CDC20B: variants seen among roughly 807,000 people sequenced by gnomAD.
CDC20B encodes the protein cell division cycle 20B.
In CDC20B, 58 loss-of-function variants were observed where a neutral mutation model predicts 64.1. That is an observed-to-expected ratio of 0.90 (90% confidence interval 0.73 to 1.13). The LOEUF is 1.13. CDC20B is among the 50% of genes most tolerant of loss of function. The pLI, the probability that CDC20B is intolerant of heterozygous loss-of-function variation, is 0.00. For missense variants in CDC20B, 597 were observed against 633.0 expected, an observed-to-expected ratio of 0.94 and a Z score of 0.61; for synonymous variants, 243 against 230.6, an observed-to-expected ratio of 1.05 and a Z score of -0.49.
intron 6 of CDC20B, among the ~76,000 whole-genome samples, chr5:55,132,830 A>C (rs1223547468): frequency 2.0e-5 from 3 of 152,196 alleles, no homozygotes; most frequent in Non-Finnish European, 4.4e-5. Context: ...TGCCTTCTTC[A>C]TGCTGTTAAC....
chr5:55,123,925 C>G (rs985590937), intron 9 of CDC20B, among the ~76,000 whole-genome samples: 1 of 152,104 alleles, frequency 6.6e-6, no homozygotes, highest in African/African-American at 2.4e-5. Flanking sequence ...ATATTTCAAC[C>G]TATATTAGGA....
intron 9 of CDC20B, among the ~76,000 whole-genome samples, chr5:55,121,353 G>T (rs6883587): frequency 0.22 from 33,075 of 151,952 alleles, 3,696 homozygotes; most frequent in South Asian, 0.3. Context: ...CGTTTTAATA[G>T]ACTTTTCACA....
intron 2 of CDC20B, among the ~76,000 whole-genome samples, chr5:55,151,077 T>C (rs1206810191): frequency 6.6e-6 from 1 of 152,088 alleles, no homozygotes; most frequent in Admixed American, 6.5e-5. Flanking sequence ...CTTTTTTATT[T>C]CTCTCCGCTA....
chr5:55,161,110 C>T (rs185745382), intron 2 of CDC20B: 134 of 1,614,160 alleles, frequency 8.3e-5, no homozygotes, highest in Non-Finnish European at 1.6e-5. Context: ...TGGCTTTTCC[C>T]TGCAATCAGT....
At chr5:55,115,943 G>A (rs904793351) in intron 11 of CDC20B, among the ~76,000 whole-genome samples, 2 of 152,140 alleles carry the variant, frequency 1.3e-5, no homozygotes, top group Non-Finnish European at 2.9e-5. Flanking sequence ...CCTCCAAGGG[G>A]ACATGGGATT....
intron 6 of CDC20B, among the ~76,000 whole-genome samples, chr5:55,129,512 G>C (rs1580342737): frequency 6.6e-6 from 1 of 152,192 alleles, no homozygotes; most frequent in South Asian, 2.1e-4. Context: ...ATGGAAAAGA[G>C]CCTGAGGCAT....
chr5:55,127,526 G>A (rs1742924671), intron 7 of CDC20B, among the ~76,000 whole-genome samples, 175 bp from the exon 8 acceptor site: 1 of 152,190 alleles, frequency 6.6e-6, no homozygotes, highest in Admixed American at 6.5e-5. Context: ...CAGCTGGGGA[G>A]TCTATAACAC....
chr5:55,134,645 C>T (rs1743115360), intron 5 of CDC20B, among the ~76,000 whole-genome samples: 2 of 152,110 alleles, frequency 1.3e-5, no homozygotes, highest in Admixed American at 1.3e-4. Context: ...GCCTGTAGTC[C>T]CAGCTACTTG....
chr5:55,165,428 G>T (rs950175933), intron 2 of CDC20B: 1 of 152,308 alleles, frequency 6.6e-6, no homozygotes, highest in Non-Finnish European at 1.5e-5. Context: ...GTATAAATTT[G>T]TCTAAGAAGA....
intron 6 of CDC20B, among the ~76,000 whole-genome samples, chr5:55,131,096 G>A (rs948451912): frequency 6.6e-6 from 1 of 152,142 alleles, no homozygotes; most frequent in Non-Finnish European, 1.5e-5. Context: ...CTGAACCACT[G>A]CACTCCAGCC....
intron 5 of CDC20B, chr5:55,137,211 A>C (rs1006890502): frequency 1.2e-5 from 2 of 162,100 alleles, no homozygotes; most frequent in Admixed American, 6.0e-5. Context: ...AAGCACTGAG[A>C]GCTCCAAATG....
chr5:55,115,475 T>G (rs1742600996), intron 11 of CDC20B, among the ~76,000 whole-genome samples: 1 of 152,226 alleles, frequency 6.6e-6, no homozygotes, highest in South Asian at 2.1e-4. Flanking sequence ...CAAGGGCTAG[T>G]GCTCCTTGGA....
At chr5:55,122,326 G>A (rs1561285936) in intron 9 of CDC20B, among the ~76,000 whole-genome samples, 1 of 150,376 alleles carries the variant, frequency 6.6e-6, no homozygotes, top group Non-Finnish European at 1.5e-5. Flanking sequence ...ATGGAGTGCA[G>A]TGCTACCACA....
At position 55,149,292 on chromosome 5, in the gene CDC20B, AT is replaced by A. The variant is rs762031715; in HGVS notation, c.127-2437del. Among the ~76,000 whole-genome samples, 10 of 152,354 alleles carry A rather than the reference AT, an allele frequency of 6.6e-5. No homozygotes were observed. The East Asian group carries it at 7.7e-4, about 12-fold the overall frequency. On this transcript the variant is annotated intron_variant, in intron 2 of 11. Transcript: ENST00000381375. ...GTACAGAATGTGAAAGGATGCAGTC[AT>A]TGTGGAAGATTAGTTTGGTGATACC...
intron 7 of CDC20B, 113 bp from the exon 8 acceptor site, chr5:55,127,464 A>AT (rs1742923107): frequency 1.3e-6 from 1 of 791,908 alleles, no homozygotes; most frequent in South Asian, 1.6e-5. Flanking sequence ...GTACTAAGTG[A>AT]AAACCCAGCA....
intron 6 of CDC20B, among the ~76,000 whole-genome samples, chr5:55,131,570 T>G (rs767563005): frequency 6.6e-6 from 1 of 152,178 alleles, no homozygotes; most frequent in African/African-American, 2.4e-5. Flanking sequence ...ATATAGTTGT[T>G]AGGGTTCGGT....
intron 2 of CDC20B, among the ~76,000 whole-genome samples, chr5:55,169,561 G>T (rs1188595363): frequency 6.6e-6 from 1 of 152,172 alleles, no homozygotes; most frequent in Non-Finnish European, 1.5e-5. Flanking sequence ...CACTTCACAA[G>T]TTGTTAGATC....
At position 55,149,902 on chromosome 5, in the gene CDC20B, G is replaced by A. The variant is rs532857530; in HGVS notation, c.127-3046C>T. Among the ~76,000 whole-genome samples the A allele has an allele frequency of 5.9e-5, 9 of 152,276 alleles. No homozygotes were observed. The East Asian group carries it at 1.7e-3, about 29-fold the overall frequency. ...TAATCCCAACACTTTGGGAGACTGAGGTGAGTTAATCACCTGAGGTCAGGA... is the reference window on the plus strand; with the variant it reads ...TAATCCCAACACTTTGGGAGACTGAAGTGAGTTAATCACCTGAGGTCAGGA... On this transcript the variant is annotated intron_variant, in intron 2 of 11. Coordinates refer to ENST00000381375, the MANE Select transcript of CDC20B (RefSeq NM_001170402.1).
At position 55,124,813 on chromosome 5, in the gene CDC20B, G is replaced by A. The variant is rs138334108; in HGVS notation, c.1205C>T (p.Thr402Met). Residue 402 changes from threonine (T) to methionine (M), a missense_variant, in exon 9 of 12, where the codon ACG (threonine) becomes ATG (methionine). Physicochemically the swap from Thr to Met is moderately conservative, Grantham distance 81. Coordinates refer to ENST00000381375, the MANE Select transcript of CDC20B (RefSeq NM_001170402.1). Reference protein sequence around the residue: ...GQPLKVITQSTAVKAMDWCPW... With the variant: ...GQPLKVITQSMAVKAMDWCPW... The stretch of plus-strand genomic sequence containing the variant: ...TATTGGGTTTCTTACCTTGACTGCC[G>A]TAGACTGGGTTATGACTTTCAGCGG... 3.2e-5 allele frequency: 51 copies of A among 1,613,546 alleles called. No individual in the cohort carries two copies. The highest frequency in any genetic ancestry group is 1.8e-4 in the Admixed American group (11 of 59,998).
Sources: gnomAD v4.1 joint callset for allele counts (sites outside exome capture counted in the v4.1 genomes callset) on GRCh38, gnomAD v4.1.1 for gene constraint, MANE v1.5 for transcripts, NCBI Gene and HGNC (gene_info 2026-07-23, HGNC 2026-07-21) for gene names.